The following ZFPM2 variants were observed in gnomAD, a reference collection of about 807,000 sequenced individuals.
ZFPM2 encodes the protein zinc finger protein ZFPM2.
A neutral mutation model predicts 98.6 loss-of-function variants in ZFPM2; 20 were observed. That is an observed-to-expected ratio of 0.20 (90% CI 0.14 to 0.29). ZFPM2 has a LOEUF of 0.29. Ranked by LOEUF, ZFPM2 falls within the 10% of genes least tolerant of loss-of-function variation. The pLI, the probability that ZFPM2 is intolerant of heterozygous loss-of-function variation, is 1.00. For synonymous variants in ZFPM2, 518 were observed against 502.7 expected (o/e 1.03, Z -0.41); for missense variants, 1,310 against 1,388.6 (o/e 0.94, Z 0.90).
At position 105,789,794 on chromosome 8, in the gene ZFPM2, A is replaced by G. The variant is rs1303226892; in HGVS notation, c.739+870A>G. 6.6e-4 allele frequency among the ~76,000 whole-genome samples: 100 copies of G among 152,158 alleles called. No individual in the cohort carries two copies. The South Asian group carries it at 0.012, about 19-fold the overall frequency. ...TTGCCATTCTAACTGGGGTGAGATG[A>G]TATCTCATTGTGGTTTTGATTTGCA... On this transcript the variant is annotated intron_variant, in intron 6 of 7. Coordinates refer to ENST00000407775, the MANE Select transcript of ZFPM2 (RefSeq NM_012082.4).
At chr8:105,683,556 G>A (rs1278803587) in intron 5 of ZFPM2, among the ~76,000 whole-genome samples, 1 of 152,004 alleles carries the variant, frequency 6.6e-6, no homozygotes, top group Non-Finnish European at 1.5e-5. Context: ...CCATTCACCA[G>A]CCACACACAC....
intron 1 of ZFPM2, among the ~76,000 whole-genome samples, chr8:105,331,777 T>A (rs531986175): frequency 6.6e-6 from 1 of 151,788 alleles, no homozygotes; most frequent in Non-Finnish European, 1.5e-5. Context: ...CTCTAAGGAA[T>A]TGCTATATAG....
At chr8:105,702,703 A>G (rs1291734836) in intron 5 of ZFPM2, among the ~76,000 whole-genome samples, 2 of 152,200 alleles carry the variant, frequency 1.3e-5, no homozygotes, top group African/African-American at 4.8e-5. Flanking sequence ...TTGGGATTCT[A>G]CCTCAGTGCC....
At chr8:105,654,562 CT>C (rs1243794846) in intron 5 of ZFPM2, among the ~76,000 whole-genome samples, 1 of 134,398 alleles carries the variant, frequency 7.4e-6, no homozygotes, top group Non-Finnish European at 1.6e-5. Context: ...TAAGATTTAT[CT>C]TTTTTTCTAT....
chr8:105,622,553 G>A (rs1816573521), intron 4 of ZFPM2, among the ~76,000 whole-genome samples: 1 of 152,146 alleles, frequency 6.6e-6, no homozygotes, highest in Non-Finnish European at 1.5e-5. Context: ...TATTAATAAA[G>A]GTTTATCTCA....
At chr8:105,671,551 T>C (rs573520595) in intron 5 of ZFPM2, among the ~76,000 whole-genome samples, 1 of 152,212 alleles carries the variant, frequency 6.6e-6, no homozygotes, top group Admixed American at 6.5e-5. Context: ...GAATTTTTAC[T>C]TTTGAAGGTT....
At chr8:105,778,059 G>A (rs970970367) in intron 5 of ZFPM2, among the ~76,000 whole-genome samples, 2 of 152,116 alleles carry the variant, frequency 1.3e-5, no homozygotes, top group African/African-American at 4.8e-5. Context: ...TATTTGCCAA[G>A]GCACAAAGAA....
At chr8:105,637,714 C>T (rs1396754281) in intron 5 of ZFPM2, among the ~76,000 whole-genome samples, 3 of 151,846 alleles carry the variant, frequency 2.0e-5, no homozygotes, top group Non-Finnish European at 4.4e-5. Flanking sequence ...AATATGATCC[C>T]GGGAGGCACT....
Position 105,801,149 on chromosome 8 carries a change from C to T in ZFPM2, c.1067C>T (p.Ser356Phe). The T allele has an allele frequency of 6.2e-7, 1 of 1,613,946 alleles. No individual in the cohort carries two copies. Among genetic ancestry groups the T allele is most frequent in the Non-Finnish European group, 8.5e-7 (1 of 1,179,876 alleles). The change falls in exon 8 of 8, where the codon TCC becomes TTC. Residue 356 changes from serine (S) to phenylalanine (F), a missense_variant. Transcript: ENST00000407775. Reference protein sequence around the residue: ...SVINFHQHLFSHLTQAAFRCN... With the variant: ...SVINFHQHLFFHLTQAAFRCN... ...ATCAACTTTCACCAACACCTGTTCT[C>T]CCATCTCACTCAAGCTGCCTTCCGA...
intron 1 of ZFPM2, among the ~76,000 whole-genome samples, chr8:105,413,664 T>C (rs914444336): frequency 6.6e-6 from 1 of 151,488 alleles, no homozygotes; most frequent in Admixed American, 6.6e-5. Flanking sequence ...TGAAAAAGAG[T>C]TCAAAAGAGC....
intron 5 of ZFPM2, among the ~76,000 whole-genome samples, chr8:105,784,307 A>C (rs1441473197): frequency 1.6e-5 from 2 of 128,410 alleles, no homozygotes; most frequent in African/African-American, 1.0e-4. Context: ...ATTGCTAGAA[A>C]CTATGTCTGT....
intron 4 of ZFPM2, chr8:105,616,667 T>C (rs1158248443): frequency 3.9e-5 from 13 of 335,866 alleles, no homozygotes; most frequent in Non-Finnish European, 7.8e-5. Flanking sequence ...GGTATAACAA[T>C]AATAATAATA....
chr8:105,760,911 C>T (rs1443922401), intron 5 of ZFPM2, among the ~76,000 whole-genome samples: 1 of 151,974 alleles, frequency 6.6e-6, no homozygotes, highest in Non-Finnish European at 1.5e-5. Context: ...TATTTATATA[C>T]AATCCTTGGA....
chr8:105,391,628 A>T (rs1176536515), intron 1 of ZFPM2, among the ~76,000 whole-genome samples: 1 of 152,198 alleles, frequency 6.6e-6, no homozygotes, highest in Non-Finnish European at 1.5e-5. Flanking sequence ...ACAATTCACA[A>T]CATGTGTACC....
intron 2 of ZFPM2, among the ~76,000 whole-genome samples, chr8:105,443,915 G>A (rs1390495134): frequency 6.6e-6 from 1 of 152,042 alleles, no homozygotes; most frequent in Non-Finnish European, 1.5e-5. Context: ...CTTGTCTTTA[G>A]AAAAGTTATA....
At chr8:105,329,882 G>T (rs1812179914) in intron 1 of ZFPM2, among the ~76,000 whole-genome samples, 1 of 151,660 alleles carries the variant, frequency 6.6e-6, no homozygotes, top group Non-Finnish European at 1.5e-5. Context: ...GAGATTATTA[G>T]AATGTTTCTT....
At chr8:105,402,312 C>T (rs976855387) in intron 1 of ZFPM2, among the ~76,000 whole-genome samples, 4 of 151,872 alleles carry the variant, frequency 2.6e-5, no homozygotes, top group Non-Finnish European at 5.9e-5. Context: ...TGTTCATCCT[C>T]TTAACTATTG....
At chr8:105,794,406 C>T (rs1352015091) in intron 6 of ZFPM2, among the ~76,000 whole-genome samples, 4 of 152,066 alleles carry the variant, frequency 2.6e-5, no homozygotes, top group East Asian at 1.9e-4. Context: ...TTTCATGAAC[C>T]GTGAATGCTG....
chr8:105,785,330 C>CATACA (rs1554581157), intron 5 of ZFPM2: 12 of 151,944 alleles, frequency 7.9e-5, no homozygotes, highest in African/African-American at 2.7e-4. Context: ...ACACAACACA[C>CATACA]ACACACGCAC....
Sources: allele counts gnomAD v4.1 joint callset (sites outside exome capture counted in the v4.1 genomes callset), GRCh38; gene constraint gnomAD v4.1.1; transcripts MANE v1.5; gene names NCBI Gene and HGNC (gene_info 2026-07-23, HGNC 2026-07-21).